Variants in LRRC8D observed in about 807,000 individuals in gnomAD.
LRRC8D encodes leucine rich repeat containing 8 VRAC subunit D.
In LRRC8D, 20 loss-of-function variants were observed where a neutral mutation model predicts 55.8. The observed-to-expected ratio is 0.36, with a 90% CI of 0.25 to 0.52. The LOEUF is 0.52. Ranked by LOEUF, LRRC8D falls within the 20% of genes least tolerant of loss-of-function variation. LRRC8D has a pLI of 0.93. For missense variants in LRRC8D, 651 were observed against 1,030.8 expected (o/e 0.63, Z 5.05); for synonymous variants, 352 against 377.0 (o/e 0.93, Z 0.77).
At chr1:89,900,551 G>T (rs1284111172) in intron 2 of LRRC8D, among the ~76,000 whole-genome samples, 1 of 151,010 alleles carries the variant, frequency 6.6e-6, no homozygotes. Flanking sequence ...TCTTAGTTCA[G>T]GCCAGATGTA....
chr1:89,895,337 G>A (rs1486474384), intron 2 of LRRC8D, among the ~76,000 whole-genome samples: 1 of 152,058 alleles, frequency 6.6e-6, no homozygotes, highest in African/African-American at 2.4e-5. Context: ...GGCAGACTTG[G>A]TATGTTTTCT....
chr1:89,821,287 C>A lies in LRRC8D; in HGVS notation c.-152C>A, dbSNP rs905284566. The A allele has an allele frequency of 6.6e-6, 1 of 151,948 alleles. No homozygotes were observed. Among genetic ancestry groups the A allele is most frequent in the African/African-American group, 2.4e-5 (1 of 41,432 alleles). 9.4% of individuals were successfully genotyped at this position (151,948 alleles called of 1,614,324 possible). On this transcript the variant is annotated 5_prime_UTR_variant, in exon 1 of 3. Transcript: ENST00000337338. ...CGTGGCTTGGCGGCCGAGCTGCACC[C>A]CAAGGTTGGTGCGCACCTCTCCCGG...
intron 2 of LRRC8D, among the ~76,000 whole-genome samples, chr1:89,902,549 T>C (rs528634328): frequency 6.6e-6 from 1 of 151,968 alleles, no homozygotes; most frequent in Non-Finnish European, 1.5e-5. Context: ...TTCTTTTTTT[T>C]TTTTTGAGAC....
chr1:89,822,447 A>C (rs1222275338), intron 1 of LRRC8D, among the ~76,000 whole-genome samples: 2 of 152,336 alleles, frequency 1.3e-5, no homozygotes, highest in East Asian at 3.9e-4. Flanking sequence ...ATCTTCAAAA[A>C]TATTTTTTTG....
At chr1:89,872,892 A>C (rs1662056425) in intron 2 of LRRC8D, among the ~76,000 whole-genome samples, 1 of 152,212 alleles carries the variant, frequency 6.6e-6, no homozygotes, top group African/African-American at 2.4e-5. Context: ...TATTTTGCTT[A>C]ATTTCCACAT....
At chr1:89,925,481 G>T (rs1396809722) in intron 2 of LRRC8D, among the ~76,000 whole-genome samples, 3 of 152,108 alleles carry the variant, frequency 2.0e-5, no homozygotes, top group Non-Finnish European at 4.4e-5. Flanking sequence ...ACCAGTCCTT[G>T]GTGCCAAAAT....
At chr1:89,912,002 C>G (rs1440120878) in intron 2 of LRRC8D, among the ~76,000 whole-genome samples, 1 of 152,096 alleles carries the variant, frequency 6.6e-6, no homozygotes, top group South Asian at 2.1e-4. Context: ...TGTATGCTCT[C>G]CTTGGATTAT....
chr1:89,835,907 A>C (rs1013560733), intron 1 of LRRC8D, among the ~76,000 whole-genome samples: 1 of 152,214 alleles, frequency 6.6e-6, no homozygotes, highest in Non-Finnish European at 1.5e-5. Flanking sequence ...AACTGTACAA[A>C]TTATGATTGA....
intron 2 of LRRC8D, among the ~76,000 whole-genome samples, chr1:89,914,332 A>G (rs79626203): frequency 6.6e-6 from 1 of 152,190 alleles, no homozygotes; most frequent in African/African-American, 2.4e-5. Context: ...GTTCCCGCTC[A>G]CGCCTCTGCC....
At chr1:89,893,759 G>A (rs6702043) in intron 2 of LRRC8D, among the ~76,000 whole-genome samples, 233 of 152,312 alleles carry the variant, frequency 1.5e-3, no homozygotes, top group African/African-American at 5.4e-3. Context: ...ACCTCTTGAT[G>A]ATTGCAGACT....
At chr1:89,862,277 A>G (rs1661737898) in intron 2 of LRRC8D, among the ~76,000 whole-genome samples, 1 of 152,050 alleles carries the variant, frequency 6.6e-6, no homozygotes, top group South Asian at 2.1e-4. Context: ...TTTTGTTGTT[A>G]TTTTCTTACA....
intron 2 of LRRC8D, among the ~76,000 whole-genome samples, chr1:89,859,116 G>A (rs1661632492): frequency 6.6e-6 from 1 of 152,132 alleles, no homozygotes; most frequent in Non-Finnish European, 1.5e-5. Context: ...AGAGGGGTCA[G>A]AAATCAAATT....
At position 89,921,459 on chromosome 1, in the gene LRRC8D, G is replaced by A. The variant is rs376405345; in HGVS notation, c.-2-11608G>A. ...TTAAATAATATTTCAAAGCCATTTG[G>A]CTTCCTTCTTTTAATAGGGGTACTA... On this transcript the variant is annotated intron_variant, in intron 2 of 2. Coordinates refer to ENST00000337338, the MANE Select transcript of LRRC8D (RefSeq NM_001134479.2). Among the ~76,000 whole-genome samples the A allele has an allele frequency of 1.1e-4, 16 of 152,184 alleles. 1 individual carries two copies. The highest frequency in any genetic ancestry group is 4.6e-4 in the Admixed American group (7 of 15,286).
At chr1:89,848,705 G>T (rs1340845184) in intron 2 of LRRC8D, among the ~76,000 whole-genome samples, 6 of 151,480 alleles carry the variant, frequency 4.0e-5, no homozygotes, top group Non-Finnish European at 8.8e-5. Context: ...TTGGTTTTTT[G>T]GGGTTTTTTT....
intron 1 of LRRC8D, among the ~76,000 whole-genome samples, chr1:89,826,648 A>G (rs1219217710): frequency 2.0e-5 from 3 of 152,222 alleles, no homozygotes; most frequent in Admixed American, 1.3e-4. Context: ...ATTAGAATCT[A>G]TCTGCCTTAA....
At chr1:89,913,717 T>C (rs770373690) in intron 2 of LRRC8D, among the ~76,000 whole-genome samples, 9 of 152,248 alleles carry the variant, frequency 5.9e-5, no homozygotes, top group Non-Finnish European at 1.3e-4. Context: ...CTTCGAAATA[T>C]TTTCTGAAAG....
At chr1:89,825,685 G>C (rs1660745487) in intron 1 of LRRC8D, among the ~76,000 whole-genome samples, 1 of 152,178 alleles carries the variant, frequency 6.6e-6, no homozygotes, top group Non-Finnish European at 1.5e-5. Flanking sequence ...ACTTGCCGTT[G>C]ATGTAAGTTC....
At chr1:89,914,179 T>C (rs556005958) in intron 2 of LRRC8D, among the ~76,000 whole-genome samples, 7 of 152,366 alleles carry the variant, frequency 4.6e-5, no homozygotes, top group South Asian at 2.1e-4. Flanking sequence ...ATCTAAGATA[T>C]GATGTTGTGT....
intron 2 of LRRC8D, among the ~76,000 whole-genome samples, chr1:89,863,917 A>C (rs527314939): frequency 6.6e-6 from 1 of 152,352 alleles, no homozygotes; most frequent in East Asian, 1.9e-4. Context: ...GAGAGGTTTT[A>C]TGCTGGGTTA....
Sources: gnomAD v4.1 joint callset for allele counts (sites outside exome capture counted in the v4.1 genomes callset) on GRCh38, gnomAD v4.1.1 for gene constraint, MANE v1.5 for transcripts, NCBI Gene and HGNC (gene_info 2026-07-23, HGNC 2026-07-21) for gene names.